ARSG: variants seen among roughly 807,000 people sequenced by gnomAD.
The protein encoded by ARSG is arylsulfatase G.
In ARSG, 37 loss-of-function variants were observed where a neutral mutation model predicts 50.5. The ratio of observed to expected loss-of-function variants is 0.73; its 90% confidence interval spans 0.56 to 0.96. ARSG has a LOEUF of 0.96. ARSG is among the 50% of genes least tolerant of loss of function. The probability of loss-of-function intolerance (pLI) is 0.00; values close to 1 mark genes in which losing one functional copy is unlikely to be tolerated. For synonymous variants in ARSG, 225 were observed against 254.6 expected (o/e 0.88, Z 1.11); for missense variants, 629 against 675.3 (o/e 0.93, Z 0.76).
At chr17:68,370,645 A>T in intron 8 of ARSG, 121 bp downstream of exon 8, 1 of 850,314 alleles carries the variant, frequency 1.2e-6, no homozygotes, top group Non-Finnish European at 1.9e-6. Context: ...TCATTGTGAA[A>T]CAGGGACACA....
Position 68,356,814 on chromosome 17 carries a change from C to G in ARSG, c.704+10C>G. ...TCATCCAGCGTGCAAGGTGAGGAGT[C>G]TCCCTCCCTCCGCAGGGCCTCCCCC... On this transcript the variant is annotated intron_variant, in intron 6 of 11. Transcript: ENST00000621439. 6.2e-7 allele frequency: 1 copy of G among 1,614,120 alleles called. No individual in the cohort carries two copies. Among genetic ancestry groups the G allele is most frequent in the Non-Finnish European group, 8.5e-7 (1 of 1,179,992 alleles).
At chr17:68,374,089 G>A (rs1482643551) in intron 8 of ARSG, among the ~76,000 whole-genome samples, 15 of 150,696 alleles carry the variant, frequency 1.0e-4, no homozygotes, top group South Asian at 4.2e-4. Flanking sequence ...CCAGGGAGGC[G>A]GAGCTTGCAG....
At chr17:68,434,972 C>G in the ARSG span, among the ~76,000 whole-genome samples, 1 of 152,028 alleles carries the variant, frequency 6.6e-6, no homozygotes, top group African/African-American at 2.4e-5. Flanking sequence ...GAGGCCAAGG[C>G]GGGTGGATTG....
chr17:68,329,124 T>C (rs78766506), intron 2 of ARSG, among the ~76,000 whole-genome samples: 16,093 of 152,030 alleles, frequency 0.11, 1,089 homozygotes, highest in Middle Eastern at 0.18. Context: ...GGAGGTGAAA[T>C]GAGAGCTGAA....
chr17:68,281,810 G>A (rs1448768444), intron 1 of ARSG, among the ~76,000 whole-genome samples: 5 of 152,068 alleles, frequency 3.3e-5, no homozygotes, highest in South Asian at 2.1e-4. Flanking sequence ...ATACACTGTC[G>A]GTGGGAATGT....
chr17:68,276,600 C>T (rs1225892371), intron 1 of ARSG, among the ~76,000 whole-genome samples: 1 of 152,094 alleles, frequency 6.6e-6, no homozygotes, highest in African/African-American at 2.4e-5. Context: ...AGGTGTGTAC[C>T]ACCATGCCCG....
intron 1 of ARSG, chr17:68,278,467 T>C: frequency 1.6e-6 from 1 of 607,248 alleles, no homozygotes; most frequent in Middle Eastern, 4.5e-4. Flanking sequence ...ATTTATTTAT[T>C]GAGATGGAGT....
At chr17:68,407,212 C>T (rs2081767785) in intron 11 of ARSG, among the ~76,000 whole-genome samples, 1 of 152,188 alleles carries the variant, frequency 6.6e-6, no homozygotes, top group Non-Finnish European at 1.5e-5. Flanking sequence ...GTTCTCTATT[C>T]TGTTCCATTG....
At chr17:68,322,318 G>A (rs2145863828) in intron 2 of ARSG, among the ~76,000 whole-genome samples, 1 of 152,274 alleles carries the variant, frequency 6.6e-6, no homozygotes, top group Admixed American at 6.5e-5. Flanking sequence ...ACTCAAAACT[G>A]CATCCCGCTG....
chr17:68,324,786 G>A (rs1555771813), intron 2 of ARSG, among the ~76,000 whole-genome samples: 1 of 152,148 alleles, frequency 6.6e-6, no homozygotes, highest in African/African-American at 2.4e-5. Flanking sequence ...CACTTGGTAC[G>A]TGTTAGATAT....
intron 3 of ARSG, chr17:68,346,662 G>T: frequency 8.7e-7 from 1 of 1,148,352 alleles, no homozygotes; most frequent in Non-Finnish European, 1.1e-6. Context: ...TTGAACTGCG[G>T]GCTGCTGATG....
chr17:68,286,505 A>G (rs1330942007), upstream of ARSG, among the ~76,000 whole-genome samples: 1 of 151,934 alleles, frequency 6.6e-6, no homozygotes, highest in Admixed American at 6.6e-5. Context: ...AGAGCATTTT[A>G]TTGTATTTAA....
At chr17:68,438,714 T>G in the ARSG span, among the ~76,000 whole-genome samples, 307 of 152,300 alleles carry the variant, frequency 2.0e-3, 2 homozygotes, top group African/African-American at 6.9e-3. Flanking sequence ...GATTCTCCTG[T>G]CTCAGCCTGC....
intron 2 of ARSG, among the ~76,000 whole-genome samples, chr17:68,335,415 G>A (rs975290483): frequency 3.3e-5 from 5 of 151,504 alleles, no homozygotes; most frequent in Admixed American, 6.6e-5. Flanking sequence ...TTAGCCGGGC[G>A]TAGTGGCGGG....
At chr17:68,294,784 G>C (rs1555757539) in intron 1 of ARSG, among the ~76,000 whole-genome samples, 2 of 152,180 alleles carry the variant, frequency 1.3e-5, no homozygotes, top group African/African-American at 4.8e-5. Context: ...TCTAGCAACA[G>C]TGAACCGATG....
intron 6 of ARSG, among the ~76,000 whole-genome samples, chr17:68,360,923 C>G (rs575398850): frequency 6.6e-6 from 1 of 152,288 alleles, no homozygotes; most frequent in East Asian, 1.9e-4. Flanking sequence ...CTCCTGGGTT[C>G]AAGCGATTCT....
intron 1 of ARSG, among the ~76,000 whole-genome samples, chr17:68,294,610 C>T (rs1173730697): frequency 6.6e-6 from 1 of 152,122 alleles, no homozygotes; most frequent in Non-Finnish European, 1.5e-5. Flanking sequence ...GATGGCCCAC[C>T]CACCCTTCCA....
chr17:68,425,850 G>T (rs778700565), downstream of ARSG: 48 of 463,784 alleles, frequency 1.0e-4, no homozygotes, highest in African/African-American at 7.7e-4. Flanking sequence ...ATTAGTATTC[G>T]GTGACTCTAA....
intron 11 of ARSG, among the ~76,000 whole-genome samples, chr17:68,412,678 A>C (rs965507491): frequency 2.0e-5 from 3 of 152,018 alleles, no homozygotes; most frequent in African/African-American, 7.3e-5. Context: ...GCCTTGCTAG[A>C]TTGGGGAAGT....
Sources: gnomAD v4.1 joint callset for allele counts (sites outside exome capture counted in the v4.1 genomes callset) on GRCh38, gnomAD v4.1.1 for gene constraint, MANE v1.5 for transcripts, NCBI Gene and HGNC (gene_info 2026-07-23, HGNC 2026-07-21) for gene names.